DRG2: variants seen among roughly 807,000 people sequenced by gnomAD.
DRG2 encodes the protein developmentally regulated GTP binding protein 2.
A neutral mutation model predicts 53.4 loss-of-function variants in DRG2; 36 were observed. That is an observed-to-expected ratio of 0.67 (90% CI 0.52 to 0.89). The LOEUF (loss-of-function observed/expected upper bound fraction) is 0.89, where lower values mean the gene tolerates loss of function less well. Among genes scored for constraint, DRG2 ranks in the 40% least tolerant of loss-of-function variants. The pLI is 0.00. For synonymous variants in DRG2, 167 were observed against 192.1 expected (o/e 0.87, Z 1.08); for missense variants, 342 against 481.2 (o/e 0.71, Z 2.71).
At chr17:18,093,181 A>T (rs2045363337) in intron 1 of DRG2, among the ~76,000 whole-genome samples, 1 of 152,196 alleles carries the variant, frequency 6.6e-6, no homozygotes, top group Admixed American at 6.6e-5. Context: ...TGCCCAATAG[A>T]TGCCAATGCG....
chr17:18,104,147 G>A (rs917739926), intron 10 of DRG2, among the ~76,000 whole-genome samples: 6 of 152,014 alleles, frequency 3.9e-5, no homozygotes, highest in African/African-American at 9.7e-5. Context: ...AGGCCCTACC[G>A]CAGGAGCATT....
At chr17:18,106,567 T>C in intron 12 of DRG2, 81 bp downstream of exon 12, 2 of 1,496,148 alleles carry the variant, frequency 1.3e-6, no homozygotes, top group Non-Finnish European at 1.9e-6. Flanking sequence ...GCATTCACAC[T>C]CTCTGCGTGG....
chr17:18,098,219 C>T lies in DRG2; in HGVS notation c.226-51C>T. 1 of 1,533,060 alleles carries T rather than the reference C, an allele frequency of 6.5e-7. No homozygotes were observed. The highest frequency in any genetic ancestry group is 9.0e-7 in the Non-Finnish European group (1 of 1,108,952). 95.0% of individuals were successfully genotyped at this position (1,533,060 alleles called of 1,614,324 possible). On this transcript the variant is annotated intron_variant, in intron 2 of 12. Coordinates refer to ENST00000225729, the MANE Select transcript of DRG2 (RefSeq NM_001388.5). This position sits in a 1 kb window ranked among gnomAD's most constrained non-coding sequence, Gnocchi z 4.1. Reference sequence around the variant, plus strand: ...GGCCCCCAGCCCCTGGGGCCTCTCCCAGAAGGCCAGGGACAAGGCTCCTCA... The same window carrying T: ...GGCCCCCAGCCCCTGGGGCCTCTCCTAGAAGGCCAGGGACAAGGCTCCTCA...
At chr17:18,107,059 C>CA in intron 12 of DRG2, 95 bp from the exon 13 acceptor site, 1 of 1,145,390 alleles carries the variant, frequency 8.7e-7, no homozygotes, top group Non-Finnish European at 1.3e-6. Flanking sequence ...TATGCCATGG[C>CA]ATTTACCCTT....
intron 10 of DRG2, 148 bp downstream of exon 10, chr17:18,104,037 G>A (rs961867871): frequency 2.0e-5 from 15 of 764,530 alleles, no homozygotes; most frequent in Non-Finnish European, 3.0e-5. Context: ...CTCAGCACTG[G>A]GCACTGCTGG....
chr17:18,090,832 G>A (rs1017322878), intron 1 of DRG2, among the ~76,000 whole-genome samples: 10 of 147,332 alleles, frequency 6.8e-5, no homozygotes, highest in African/African-American at 2.0e-4. Flanking sequence ...CACCCCACCC[G>A]GCCAATTTTT....
In DRG2 at chr17:18,100,714, G is replaced by A. The variant is rs549993150; in HGVS notation, c.631+55G>A. On this transcript the variant is annotated intron_variant, in intron 7 of 12. Transcript: ENST00000225729. This position sits in a 1 kb window ranked among gnomAD's most constrained non-coding sequence, Gnocchi z 4.1. The stretch of plus-strand genomic sequence containing the variant: ...GGGCAGCCACCACCGTCAGCGCAGC[G>A]GGGGGACTGACTAAGACAGGAGGCC... 8.7e-5 allele frequency: 133 copies of A among 1,534,818 alleles called. No individual in the cohort carries two copies. Among genetic ancestry groups the A allele is most frequent in the Non-Finnish European group, 2.5e-5 (28 of 1,129,442 alleles).
In DRG2 at chr17:18,103,953, G is replaced by T. The variant is rs911526454; in HGVS notation, c.895+64G>T. 6.6e-7 allele frequency: 1 copy of T among 1,516,370 alleles called. No homozygotes were observed. Among genetic ancestry groups the T allele is most frequent in the Non-Finnish European group, 9.1e-7 (1 of 1,093,134 alleles). The allele number at this position is 1,516,370 out of a possible 1,614,324, so 93.9% of individuals were successfully genotyped here. ...TTCATCCCTAGAAGGCTGCCAGGCC[G>T]GTGTGTGGTGCCCAGAGACCCCAGC... On this transcript the variant is annotated intron_variant, in intron 10 of 12. Transcript: ENST00000225729. This position sits in a 1 kb window ranked among gnomAD's most constrained non-coding sequence, Gnocchi z 4.4.
Position 18,089,414 on chromosome 17 carries a change from A to G in DRG2, c.64+1327A>G, listed in dbSNP as rs373091186. On this transcript the variant is annotated intron_variant, in intron 1 of 12. Transcript: ENST00000225729. ...CTCGGCCTCCCAAAGTGCTGGGATT[A>G]CAGGCATGAGCCACCGTGCCTGGCC... Among the ~76,000 whole-genome samples the G allele has an allele frequency of 8.5e-5, 13 of 152,318 alleles. No individual in the cohort carries two copies. The East Asian group carries it at 1.5e-3, about 18-fold the overall frequency.
At chr17:18,090,368 T>TTATTTATTTATATA (rs1258672077) in intron 1 of DRG2, among the ~76,000 whole-genome samples, 4 of 25,518 alleles carry the variant, frequency 1.6e-4, no homozygotes, top group African/African-American at 5.5e-4. Context: ...CCGGGCTAAT[T>TTATTTATTTATATA]TATATATATA....
At position 18,103,988 on chromosome 17, in the gene DRG2, G is replaced by A; in HGVS notation, c.895+99G>A. 1 of 1,186,822 alleles carries A rather than the reference G, an allele frequency of 8.4e-7. No individual in the cohort carries two copies. Among genetic ancestry groups the A allele is most frequent in the Non-Finnish European group, 1.2e-6 (1 of 803,846 alleles). 73.5% of individuals were successfully genotyped at this position (1,186,822 alleles called of 1,614,324 possible). The stretch of plus-strand genomic sequence containing the variant: ...GCCCAGAGACCCCAGCACCGGCTCT[G>A]GCCTGGCTTGTCTAGACACACCTCA... On this transcript the variant is annotated intron_variant, in intron 10 of 12. Coordinates refer to ENST00000225729, the MANE Select transcript of DRG2 (RefSeq NM_001388.5). This position sits in a 1 kb window ranked among gnomAD's most constrained non-coding sequence, Gnocchi z 4.4.
At position 18,098,194 on chromosome 17, in the gene DRG2, G is replaced by A. The variant is rs879218009; in HGVS notation, c.226-76G>A. Reference sequence around the variant, plus strand: ...TCTCCTCCTGCTGCCTGCACCTGCAGGCCCCCAGCCCCTGGGGCCTCTCCC... The same window carrying A: ...TCTCCTCCTGCTGCCTGCACCTGCAAGCCCCCAGCCCCTGGGGCCTCTCCC... On this transcript the variant is annotated intron_variant, in intron 2 of 12. Transcript: ENST00000225729. This position sits in a 1 kb window ranked among gnomAD's most constrained non-coding sequence, Gnocchi z 4.1. The A allele has an allele frequency of 3.1e-6, 4 of 1,277,184 alleles. No homozygotes were observed. The South Asian group carries it at 4.9e-5, about 15-fold the overall frequency. The allele number at this position is 1,277,184 out of a possible 1,614,324, so 79.1% of individuals were successfully genotyped here.
chr17:18,103,861 G>C lies in DRG2; in HGVS notation c.867G>C (p.Leu289=). The change falls in exon 10 of 13, where the codon CTG becomes CTC. Residue 289 remains leucine (L), a synonymous_variant. Transcript: ENST00000225729. The surrounding 1 kb of genome is among the most constrained non-coding windows in gnomAD (Gnocchi z 4.4). ...AGATGCTTTGGGAGTACTTGGCCCTGACCTGCATCTACACCAAGAAGAGAG... is the reference window on the plus strand; with the variant it reads ...AGATGCTTTGGGAGTACTTGGCCCTCACCTGCATCTACACCAAGAAGAGAG... The part of the protein sequence containing the change: ...LLEMLWEYLA[L]TCIYTKKRGQ... 1 of 1,608,626 alleles carries C rather than the reference G, an allele frequency of 6.2e-7. No individual in the cohort carries two copies. The highest frequency in any genetic ancestry group is 8.5e-7 in the Non-Finnish European group (1 of 1,177,552).
At chr17:18,090,645 C>T (rs181020728) in intron 1 of DRG2, among the ~76,000 whole-genome samples, 11 of 151,862 alleles carry the variant, frequency 7.2e-5, no homozygotes, top group Middle Eastern at 6.8e-3. Context: ...GTTGATCCGC[C>T]CACCTCGGCT....
chr17:18,104,684 G>A lies in DRG2; in HGVS notation c.954+3G>A. 2 of 1,613,820 alleles carry A rather than the reference G, an allele frequency of 1.2e-6. No homozygotes were observed. The highest frequency in any genetic ancestry group is 1.7e-6 in the Non-Finnish European group (2 of 1,180,014). On this transcript the variant is annotated splice_donor_region_variant and intron_variant, in intron 11 of 12. Transcript: ENST00000225729. ...AAGGGGCCTCAGTGGAGCACGTGGTGAGTTGACAAGACCTGCCGTGACAAG... is the reference window on the plus strand; with the variant it reads ...AAGGGGCCTCAGTGGAGCACGTGGTAAGTTGACAAGACCTGCCGTGACAAG...
Position 18,099,985 on chromosome 17 carries a change from T to A in DRG2, c.467+262T>A. ...CTTCCTGTTCAGAGGCACAGGTGCC[T>A]CATCACTGCCCAGAACCTGCCAGGA... On this transcript the variant is annotated intron_variant, in intron 5 of 12. Coordinates refer to ENST00000225729, the MANE Select transcript of DRG2 (RefSeq NM_001388.5). This position sits in a 1 kb window ranked among gnomAD's most constrained non-coding sequence, Gnocchi z 4.4. 1 of 589,248 alleles carries A rather than the reference T, an allele frequency of 1.7e-6. No individual in the cohort carries two copies. The allele number at this position is 589,248 out of a possible 1,614,324, so 36.5% of individuals were successfully genotyped here. A position where few individuals can be genotyped will look rare whatever the true frequency, so the allele number is the denominator to read the frequency against.
chr17:18,104,973 C>G (rs957835416), intron 11 of DRG2, among the ~76,000 whole-genome samples: 3 of 152,204 alleles, frequency 2.0e-5, no homozygotes, highest in Non-Finnish European at 4.4e-5. Flanking sequence ...TGCTGCCTGG[C>G]TTTGCAGAGA....
At chr17:18,091,091 T>C (rs946033637) in intron 1 of DRG2, among the ~76,000 whole-genome samples, 8 of 152,198 alleles carry the variant, frequency 5.3e-5, no homozygotes, top group Non-Finnish European at 7.3e-5. Flanking sequence ...TTTCCTGACC[T>C]ATCGGAGTCA....
intron 1 of DRG2, among the ~76,000 whole-genome samples, chr17:18,090,368 TTATATATATATATATA>T (rs1242491729): frequency 4.8e-3 from 122 of 25,484 alleles, no homozygotes; most frequent in Middle Eastern, 0.017. Context: ...CCGGGCTAAT[TTATATATATATATATA>T]TATATATATA....
Sources: gnomAD v4.1 joint callset for allele counts (sites outside exome capture counted in the v4.1 genomes callset) on GRCh38, gnomAD v4.1.1 for gene constraint, Gnocchi (gnomAD v3.1) non-coding constraint, MANE v1.5 for transcripts, NCBI Gene and HGNC (gene_info 2026-07-23, HGNC 2026-07-21) for gene names.